Variants in CCDC122 observed in about 807,000 individuals in gnomAD.
CCDC122 encodes the protein coiled-coil domain containing 122.
A neutral mutation model predicts 37.0 loss-of-function variants in CCDC122; 38 were observed. The observed-to-expected ratio is 1.03, with a 90% CI of 0.79 to 1.35. The LOEUF is 1.35. Ranked by LOEUF, CCDC122 falls within the 40% of genes most tolerant of loss-of-function variation. The pLI, the probability that CCDC122 is intolerant of heterozygous loss-of-function variation, is 0.00. For missense variants in CCDC122, 305 were observed against 310.0 expected (o/e 0.98, Z 0.12); for synonymous variants, 83 against 95.6 (o/e 0.87, Z 0.77).
intron 6 of CCDC122, among the ~76,000 whole-genome samples, chr13:43,851,321 A>T (rs1395588871): frequency 6.6e-6 from 1 of 152,234 alleles, no homozygotes; most frequent in Non-Finnish European, 1.5e-5. Context: ...AAAGTACAAA[A>T]TTCTTTGTGA....
chr13:43,872,929 C>T (rs1056077480), intron 2 of CCDC122, among the ~76,000 whole-genome samples: 1 of 152,160 alleles, frequency 6.6e-6, no homozygotes, highest in African/African-American at 2.4e-5. Flanking sequence ...CCACTAGAAC[C>T]AGTCATTTAT....
intron 6 of CCDC122, among the ~76,000 whole-genome samples, chr13:43,852,678 A>G (rs1182065391): frequency 6.6e-6 from 1 of 152,130 alleles, no homozygotes; most frequent in Admixed American, 6.5e-5. Context: ...CCCAAGATGC[A>G]TAATTTTCAG....
At chr13:43,831,228 G>A (rs1163943341) in intron 3 of CCDC122, among the ~76,000 whole-genome samples, 2 of 152,176 alleles carry the variant, frequency 1.3e-5, no homozygotes, top group Non-Finnish European at 2.9e-5. Context: ...AGTCTCTGTG[G>A]AAAAGGTGGA....
intron 6 of CCDC122, among the ~76,000 whole-genome samples, chr13:43,844,680 T>A (rs1953461697): frequency 6.6e-6 from 1 of 152,130 alleles, no homozygotes; most frequent in South Asian, 2.1e-4. Flanking sequence ...TATGTAAATG[T>A]ACATGTAGAA....
intron 6 of CCDC122, among the ~76,000 whole-genome samples, chr13:43,847,631 A>G (rs1341918516): frequency 6.6e-6 from 1 of 152,238 alleles, no homozygotes; most frequent in Non-Finnish European, 1.5e-5. Flanking sequence ...CATTCAATAA[A>G]TAATAATAGA....
intron 6 of CCDC122, chr13:43,849,109 A>G (rs2153872087): frequency 4.7e-6 from 4 of 842,920 alleles, no homozygotes; most frequent in Non-Finnish European, 5.7e-6. Context: ...TAAGTTCTTA[A>G]CTTTTCATTT....
At chr13:43,832,332 C>T (rs573053762), downstream of CCDC122, among the ~76,000 whole-genome samples, 5 of 152,122 alleles carry the variant, frequency 3.3e-5, no homozygotes, top group South Asian at 4.1e-4. Context: ...ATCAAAACCA[C>T]GTTCTTCTGA....
At chr13:43,874,081 G>A (rs1402956802) in intron 2 of CCDC122, among the ~76,000 whole-genome samples, 1 of 152,096 alleles carries the variant, frequency 6.6e-6, no homozygotes, top group Non-Finnish European at 1.5e-5. Context: ...GGGAAGATAT[G>A]GTCTTTCTCT....
chr13:43,831,314 C>A (rs1281235857), intron 3 of CCDC122, among the ~76,000 whole-genome samples: 1 of 151,916 alleles, frequency 6.6e-6, no homozygotes, highest in African/African-American at 2.4e-5. Flanking sequence ...TGGCTGAGAT[C>A]CCTGTGCATG....
At chr13:43,846,908 TTAC>T (rs1953556822) in intron 6 of CCDC122, among the ~76,000 whole-genome samples, 1 of 152,218 alleles carries the variant, frequency 6.6e-6, no homozygotes, top group African/African-American at 2.4e-5. Flanking sequence ...CTATAAGATA[TTAC>T]TACTATTAGT....
intron 6 of CCDC122, among the ~76,000 whole-genome samples, chr13:43,846,109 T>C (rs1283506190): frequency 6.6e-6 from 1 of 151,982 alleles, no homozygotes; most frequent in East Asian, 1.9e-4. Flanking sequence ...AGTTTCACTA[T>C]TGTCGCCCAG....
downstream of CCDC122, among the ~76,000 whole-genome samples, chr13:43,819,922 C>A (rs1265372265): frequency 1.3e-5 from 2 of 151,068 alleles, no homozygotes; most frequent in Non-Finnish European, 2.9e-5. Flanking sequence ...CTGTTCGTTG[C>A]CAGTAGAATA....
chr13:43,831,137 A>T (rs1312493823), intron 3 of CCDC122, among the ~76,000 whole-genome samples: 1 of 152,232 alleles, frequency 6.6e-6, no homozygotes, highest in East Asian at 1.9e-4. Context: ...ACTGCCCAGC[A>T]AAGTCAATAT....
intron 6 of CCDC122, among the ~76,000 whole-genome samples, chr13:43,842,150 T>C (rs1167879189): frequency 6.6e-6 from 1 of 152,244 alleles, no homozygotes; most frequent in African/African-American, 2.4e-5. Flanking sequence ...TATCCTCCTA[T>C]AGTTTCTTCT....
rs1395576240 is a variant in CCDC122 at position 43,860,097 on chromosome 13, A to G, written c.157-27T>C. 2.5e-6 allele frequency: 3 copies of G among 1,219,298 alleles called. No homozygotes were observed. In the Admixed American group the frequency reaches 9.9e-5, roughly 40 times the overall value. The allele number at this position is 1,219,298 out of a possible 1,614,324, so 75.5% of individuals were successfully genotyped here. A position where few individuals can be genotyped will look rare whatever the true frequency, so the allele number is the denominator to read the frequency against. On this transcript the variant is annotated intron_variant, in intron 4 of 6. Transcript: ENST00000444614. Reference sequence around the variant, plus strand: ...TGTAATACATTTTAACATTATCATTATTAATTCAAAATATTAAACATGAGA... The same window carrying G: ...TGTAATACATTTTAACATTATCATTGTTAATTCAAAATATTAAACATGAGA...
At chr13:43,853,139 A>G (rs1953798978) in intron 6 of CCDC122, among the ~76,000 whole-genome samples, 1 of 152,184 alleles carries the variant, frequency 6.6e-6, no homozygotes, top group East Asian at 1.9e-4. Context: ...ACATATCAAT[A>G]CTAACCTTGA....
intron 3 of CCDC122, among the ~76,000 whole-genome samples, chr13:43,825,144 A>G (rs1953027801): frequency 6.6e-6 from 1 of 152,242 alleles, no homozygotes; most frequent in South Asian, 2.1e-4. Context: ...AAGACATGCA[A>G]TCAACCTAGG....
rs17065103 is a variant in CCDC122 at position 43,829,720 on chromosome 13, C to T, written n.602-5709G>A. On this transcript the variant is annotated intron_variant and non_coding_transcript_variant, in intron 3 of 3. Transcript: ENST00000470137. Reference sequence around the variant, plus strand: ...TGTCCATGTCCCTGTCTTTGTCATCCAGTCGGAATGAGAACAACCAAAATA... The same window carrying T: ...TGTCCATGTCCCTGTCTTTGTCATCTAGTCGGAATGAGAACAACCAAAATA... Among the ~76,000 whole-genome samples the T allele has an allele frequency of 8.3e-3, 1,268 of 152,232 alleles. 13 individuals carry two copies. Among genetic ancestry groups the T allele is most frequent in the African/African-American group, 0.027 (1,127 of 41,534 alleles).
chr13:43,871,293 G>T lies in CCDC122; in HGVS notation c.-113-1804C>A, dbSNP rs75108260. The stretch of plus-strand genomic sequence containing the variant: ...TTATAGAGCTGCTGCAGTTCCAACA[G>T]ACCTCCAATGGCCTAATGACACAAT... On this transcript the variant is annotated intron_variant, in intron 2 of 6. Transcript: ENST00000444614. Among the ~76,000 whole-genome samples, 42 of 152,124 alleles carry T rather than the reference G, an allele frequency of 2.8e-4. No homozygotes were observed. The East Asian group carries it at 8.1e-3, about 29-fold the overall frequency.
Sources: allele counts gnomAD v4.1 joint callset (sites outside exome capture counted in the v4.1 genomes callset), GRCh38; gene constraint gnomAD v4.1.1; transcripts MANE v1.5; gene names NCBI Gene and HGNC (gene_info 2026-07-23, HGNC 2026-07-21).